Variants in CPNE5 observed in about 807,000 individuals in gnomAD.
CPNE5 encodes the protein copine-5.
In CPNE5, 42 loss-of-function variants were observed where a neutral mutation model predicts 81.1. The observed-to-expected ratio is 0.52, with a 90% CI of 0.40 to 0.67. CPNE5 has a LOEUF of 0.67. Ranked by LOEUF, CPNE5 falls within the 30% of genes least tolerant of loss-of-function variation. CPNE5 has a pLI of 0.00. For missense variants in CPNE5, 612 were observed against 815.5 expected (o/e 0.75, Z 3.04); for synonymous variants, 313 against 321.5 (o/e 0.97, Z 0.28).
Position 36,839,254 on chromosome 6 carries a change from C to A in CPNE5, c.95+29G>T. 6.7e-7 allele frequency: 1 copy of A among 1,492,040 alleles called. No individual in the cohort carries two copies. Among genetic ancestry groups the A allele is most frequent in the Non-Finnish European group, 9.0e-7 (1 of 1,106,378 alleles). The allele number at this position is 1,492,040 out of a possible 1,614,324, so 92.4% of individuals were successfully genotyped here. On this transcript the variant is annotated intron_variant, in intron 1 of 20. Coordinates refer to ENST00000244751, the MANE Select transcript of CPNE5 (RefSeq NM_020939.2). The surrounding 1 kb of genome is among the most constrained non-coding windows in gnomAD (Gnocchi z 7.3). ...CGGGGCTCTGCGTCCAGGGCCGGGGCAAGGGGACCCGGCCAGCGGGAGGCT... is the reference window on the plus strand; with the variant it reads ...CGGGGCTCTGCGTCCAGGGCCGGGGAAAGGGGACCCGGCCAGCGGGAGGCT...
Position 36,822,169 on chromosome 6 carries a change from G to A in CPNE5, c.137-9C>T. 1 of 1,507,398 alleles carries A rather than the reference G, an allele frequency of 6.6e-7. No homozygotes were observed. 93.4% of individuals were successfully genotyped at this position (1,507,398 alleles called of 1,614,324 possible). A position where few individuals can be genotyped will look rare whatever the true frequency, so the allele number is the denominator to read the frequency against. On this transcript the variant is annotated splice_polypyrimidine_tract_variant and intron_variant, in intron 2 of 20. Transcript: ENST00000244751. ...GGTATACATGACGCACACTGCGGGG[G>A]GAGGAGAAACAGTGGATTAATACCT...
intron 14 of CPNE5, among the ~76,000 whole-genome samples, chr6:36,751,810 T>C (rs1174332166): frequency 6.6e-6 from 1 of 151,404 alleles, no homozygotes; most frequent in Admixed American, 6.6e-5. Context: ...ATAAATAAAA[T>C]AAAATAAAAT....
chr6:36,775,914 T>G (rs1562123929), intron 9 of CPNE5, among the ~76,000 whole-genome samples: 1 of 152,218 alleles, frequency 6.6e-6, no homozygotes, highest in Non-Finnish European at 1.5e-5. Flanking sequence ...AATCAATGTA[T>G]TTCTTGGGGG....
At chr6:36,829,883 TC>T (rs1158176503) in intron 1 of CPNE5, among the ~76,000 whole-genome samples, 1 of 121,494 alleles carries the variant, frequency 8.2e-6, no homozygotes, top group Non-Finnish European at 1.6e-5. Context: ...CCAACAGGAA[TC>T]CTGATGGTCC....
chr6:36,745,672 C>G (rs1019204271), intron 16 of CPNE5, among the ~76,000 whole-genome samples, 157 bp from the exon 17 acceptor site: 1 of 152,048 alleles, frequency 6.6e-6, no homozygotes, highest in Non-Finnish European at 1.5e-5. Context: ...CTCCCAGGGC[C>G]CATCCTGAAG....
At chr6:36,765,477 A>G (rs1766478432) in intron 10 of CPNE5, 101 bp from the exon 11 acceptor site, 1 of 1,399,392 alleles carries the variant, frequency 7.1e-7, no homozygotes, top group African/African-American at 1.4e-5. Context: ...GGAGGCCAGG[A>G]CTCCCTCTGG....
intron 9 of CPNE5, among the ~76,000 whole-genome samples, chr6:36,776,348 C>T (rs1025809473): frequency 3.3e-5 from 5 of 152,228 alleles, no homozygotes; most frequent in African/African-American, 9.6e-5. Context: ...CATGGCTTAG[C>T]GTTTTTCTTC....
At chr6:36,834,670 A>AG (rs1773310655) in intron 1 of CPNE5, among the ~76,000 whole-genome samples, 1 of 152,010 alleles carries the variant, frequency 6.6e-6, no homozygotes, top group East Asian at 1.9e-4. Context: ...AAAAAAAAAA[A>AG]GTTGAGTGTA....
At chr6:36,812,986 A>G (rs1771232771) in intron 3 of CPNE5, among the ~76,000 whole-genome samples, 1 of 152,240 alleles carries the variant, frequency 6.6e-6, no homozygotes, top group Admixed American at 6.5e-5. Context: ...GACCAAGGCC[A>G]GGTCACCAGG....
At chr6:36,800,736 C>G (rs888741519) in intron 3 of CPNE5, among the ~76,000 whole-genome samples, 1 of 152,222 alleles carries the variant, frequency 6.6e-6, no homozygotes, top group Non-Finnish European at 1.5e-5. Flanking sequence ...TTGTAAACAA[C>G]TATGACTTCC....
chr6:36,785,971 G>A (rs967212389), intron 8 of CPNE5, among the ~76,000 whole-genome samples: 2 of 136,226 alleles, frequency 1.5e-5, no homozygotes. Context: ...CGAGACCGTG[G>A]CACTGCACTC....
chr6:36,827,487 G>A, intron 1 of CPNE5: 2 of 985,382 alleles, frequency 2.0e-6, no homozygotes, highest in Non-Finnish European at 2.4e-6. Context: ...TTATCCAAGT[G>A]GCCGCCAGAG....
At position 36,837,117 on chromosome 6, in the gene CPNE5, C is replaced by T. The variant is rs539705596; in HGVS notation, c.95+2166G>A. Among the ~76,000 whole-genome samples, 7 of 152,328 alleles carry T rather than the reference C, an allele frequency of 4.6e-5. No individual in the cohort carries two copies. In the East Asian group the frequency reaches 5.8e-4, roughly 13 times the overall value. On this transcript the variant is annotated intron_variant, in intron 1 of 20. Transcript: ENST00000244751. ...GGAGGGGCCAGGTGCTACCGCCTTC[C>T]GGTGATCATTGTAGCTACTTATTGA...
At chr6:36,759,470 G>A (rs2150404065) in intron 12 of CPNE5, among the ~76,000 whole-genome samples, 1 of 151,800 alleles carries the variant, frequency 6.6e-6, no homozygotes, top group Admixed American at 6.5e-5. Flanking sequence ...GTGGGTGGGG[G>A]CACTGAGGGG....
chr6:36,753,459 C>T (rs1434944516), intron 13 of CPNE5, among the ~76,000 whole-genome samples: 2 of 152,220 alleles, frequency 1.3e-5, no homozygotes, highest in Non-Finnish European at 2.9e-5. Flanking sequence ...GGCACTGGCT[C>T]TTCAGCCCCA....
intron 1 of CPNE5, chr6:36,838,598 C>CGT (rs1229782686): frequency 1.5e-5 from 3 of 198,128 alleles, no homozygotes; most frequent in Admixed American, 1.3e-4. Context: ...TTGGACTCTA[C>CGT]AGTTTCACAA....
chr6:36,770,612 C>T (rs1461615085), intron 10 of CPNE5, among the ~76,000 whole-genome samples: 1 of 151,964 alleles, frequency 6.6e-6, no homozygotes, highest in Non-Finnish European at 1.5e-5. Context: ...TCCCTCTGAC[C>T]ATCTCCTCTT....
intron 3 of CPNE5, among the ~76,000 whole-genome samples, chr6:36,819,404 CAT>C (rs1453566280): frequency 2.0e-5 from 3 of 152,196 alleles, no homozygotes; most frequent in South Asian, 2.1e-4. Context: ...CTGGCCCCCA[CAT>C]GTTTCCTTTC....
chr6:36,818,770 C>T (rs532935464), intron 3 of CPNE5, among the ~76,000 whole-genome samples: 5 of 152,298 alleles, frequency 3.3e-5, no homozygotes, highest in Middle Eastern at 6.8e-3. Context: ...CACCCTGCGG[C>T]GGGTGTAGTA....
Sources: allele counts gnomAD v4.1 joint callset (sites outside exome capture counted in the v4.1 genomes callset), GRCh38; gene constraint gnomAD v4.1.1; non-coding constraint Gnocchi (gnomAD v3.1); transcripts MANE v1.5; gene names NCBI Gene and HGNC (gene_info 2026-07-23, HGNC 2026-07-21).